Variants in BICC1 observed in about 807,000 individuals in gnomAD.
BICC1 encodes the protein BicC family RNA binding protein 1.
Under a neutral mutation model 111.0 loss-of-function variants are expected in BICC1, and 43 were observed. That is an observed-to-expected ratio of 0.39 (90% CI 0.30 to 0.50). BICC1 has a LOEUF of 0.50. Among genes scored for constraint, BICC1 ranks in the 20% least tolerant of loss-of-function variants. BICC1 has a pLI of 0.88. For synonymous variants in BICC1, 467 were observed against 434.4 expected (o/e 1.07, Z -0.93); for missense variants, 1,091 against 1,203.2 (o/e 0.91, Z 1.38).
intron 1 of BICC1, among the ~76,000 whole-genome samples, chr10:58,607,317 A>AAAATAGATAAATAAATAAATAAATAAAT (rs1845254757): frequency 7.4e-6 from 1 of 134,674 alleles, no homozygotes; most frequent in Admixed American, 7.7e-5. Flanking sequence ...ACTCTGTCTC[A>AAAATAGATAAATAAATAAATAAATAAAT]AAATAAATAA....
At chr10:58,512,711 GGT>G (rs1221726881), upstream of BICC1, among the ~76,000 whole-genome samples, 4 of 151,758 alleles carry the variant, frequency 2.6e-5, no homozygotes, top group Non-Finnish European at 5.9e-5. Context: ...GTGTGTACGT[GGT>G]GTGTGTGTGC....
chr10:58,775,489 AG>A (rs1156354127), intron 3 of BICC1, among the ~76,000 whole-genome samples: 1 of 152,230 alleles, frequency 6.6e-6, no homozygotes, highest in Non-Finnish European at 1.5e-5. Context: ...GTTAGCTCTT[AG>A]GTAACTTTTA....
intron 3 of BICC1, among the ~76,000 whole-genome samples, 190 bp downstream of exon 3, chr10:58,702,333 T>G (rs113242001): frequency 6.6e-6 from 1 of 152,350 alleles, no homozygotes; most frequent in East Asian, 1.9e-4. Context: ...AGAAAAATAT[T>G]AACTATTAAC....
chr10:58,652,398 T>C (rs1838478338), intron 2 of BICC1, among the ~76,000 whole-genome samples: 1 of 152,116 alleles, frequency 6.6e-6, no homozygotes, highest in Non-Finnish European at 1.5e-5. Flanking sequence ...ACACAGTCTT[T>C]TGCTCGTAAA....
At chr10:58,513,850 G>GC (rs1373989910) in intron 1 of BICC1, among the ~76,000 whole-genome samples, 1 of 152,170 alleles carries the variant, frequency 6.6e-6, no homozygotes, top group Non-Finnish European at 1.5e-5. Flanking sequence ...AGGAGCTCCC[G>GC]CCCCCACCCC....
intron 17 of BICC1, among the ~76,000 whole-genome samples, chr10:58,810,146 G>A (rs528373761): frequency 6.6e-6 from 1 of 152,314 alleles, no homozygotes; most frequent in Non-Finnish European, 1.5e-5. Context: ...GGCAGGAATA[G>A]GCATAGGAGC....
intron 3 of BICC1, among the ~76,000 whole-genome samples, chr10:58,762,576 T>C (rs1842346590): frequency 6.6e-6 from 1 of 152,160 alleles, no homozygotes. Flanking sequence ...GCATTCATCT[T>C]TATAATCTGT....
In BICC1 at chr10:58,828,900, T is replaced by A; in HGVS notation, c.*9T>A. 6.2e-7 allele frequency: 1 copy of A among 1,613,596 alleles called. No individual in the cohort carries two copies. The highest frequency in any genetic ancestry group is 8.5e-7 in the Non-Finnish European group (1 of 1,179,682). On this transcript the variant is annotated 3_prime_UTR_variant, in exon 21 of 21. Transcript: ENST00000373886. ...TCAGTGGCCGCTGGTAGCAGCACCC[T>A]CTTGGCACATGCCCGCTGACTAACT...
rs1054686398 is a variant in BICC1, at chr10:58,584,173, C to T, written c.191-36682C>T. ...CTGTGAGGTAGAATGTAGCATATTT[C>T]TTAATGATATCTCAACCAGATTTTA... On this transcript the variant is annotated intron_variant, in intron 1 of 20. Transcript: ENST00000373886. Among the ~76,000 whole-genome samples, 4 of 151,932 alleles carry T rather than the reference C, an allele frequency of 2.6e-5. No individual in the cohort carries two copies. In the East Asian group the frequency reaches 7.7e-4, roughly 29 times the overall value.
intron 8 of BICC1, among the ~76,000 whole-genome samples, chr10:58,790,833 C>A (rs60473653): frequency 0.019 from 2,874 of 152,274 alleles, 99 homozygotes; most frequent in African/African-American, 0.066. Context: ...ATGAAATAAA[C>A]TATCCCAGTG....
intron 1 of BICC1, among the ~76,000 whole-genome samples, chr10:58,576,985 G>C (rs568997963): frequency 1.3e-5 from 2 of 152,252 alleles, no homozygotes; most frequent in Admixed American, 6.5e-5. Flanking sequence ...TCAGAAGTGG[G>C]AGCAGCTGAG....
intron 3 of BICC1, among the ~76,000 whole-genome samples, chr10:58,767,619 A>T (rs927706574): frequency 2.0e-5 from 3 of 152,202 alleles, no homozygotes; most frequent in Non-Finnish European, 1.5e-5. Context: ...CAAGGAATTT[A>T]AAAATAATTG....
intron 1 of BICC1, among the ~76,000 whole-genome samples, chr10:58,560,850 T>G (rs1403366337): frequency 3.9e-5 from 6 of 152,098 alleles, no homozygotes; most frequent in Non-Finnish European, 4.4e-5. Context: ...TCATTTCCAT[T>G]TATTTGTACA....
At position 58,798,558 on chromosome 10, in the gene BICC1, C is replaced by T. The variant is rs1843433957; in HGVS notation, c.1526C>T (p.Thr509Ile). The part of the protein sequence containing the change: ...APPLANTSSA[T>I]GFSAIPHLMI... ...CCACTTGCTAATACTTCAAGTGCCACAGGTCAGTATCATTTAAGTATATTC... is the reference window on the plus strand; with the variant it reads ...CCACTTGCTAATACTTCAAGTGCCATAGGTCAGTATCATTTAAGTATATTC... Residue 509 changes from threonine to isoleucine, a missense_variant and splice_region_variant, in exon 11 of 21, where the codon ACA (threonine) becomes ATA (isoleucine). Thr to Ile is a moderately conservative substitution (Grantham distance 89, BLOSUM62 -1). Transcript: ENST00000373886. 3.7e-6 allele frequency: 6 copies of T among 1,603,788 alleles called. No homozygotes were observed. Among genetic ancestry groups the T allele is most frequent in the South Asian group, 1.1e-5 (1 of 89,232 alleles).
chr10:58,706,327 G>A (rs187990915), intron 3 of BICC1, among the ~76,000 whole-genome samples: 7 of 152,300 alleles, frequency 4.6e-5, no homozygotes, highest in African/African-American at 1.4e-4. Context: ...TAGAAGTCCT[G>A]CCAGACCTGC....
intron 17 of BICC1, among the ~76,000 whole-genome samples, chr10:58,812,144 G>C (rs1589163932): frequency 6.6e-6 from 1 of 152,248 alleles, no homozygotes; most frequent in East Asian, 1.9e-4. Flanking sequence ...GAATTAAAAT[G>C]GCCCTTAGGG....
At chr10:58,546,934 A>G (rs891651441) in intron 1 of BICC1, among the ~76,000 whole-genome samples, 13 of 152,312 alleles carry the variant, frequency 8.5e-5, no homozygotes, top group African/African-American at 2.6e-4. Context: ...TTAAATTGGT[A>G]CCTAGAGACC....
At chr10:58,605,252 T>C (rs1845172227) in intron 1 of BICC1, among the ~76,000 whole-genome samples, 1 of 152,242 alleles carries the variant, frequency 6.6e-6, no homozygotes, top group South Asian at 2.1e-4. Flanking sequence ...ATAAAAAGAC[T>C]TATGATGAAA....
chr10:58,565,596 G>A (rs779359845), intron 1 of BICC1, among the ~76,000 whole-genome samples: 38 of 152,080 alleles, frequency 2.5e-4, no homozygotes, highest in African/African-American at 6.0e-4. Context: ...AAATATAATG[G>A]AAAACCAAAA....
Sources: allele counts gnomAD v4.1 joint callset (sites outside exome capture counted in the v4.1 genomes callset), GRCh38; gene constraint gnomAD v4.1.1; transcripts MANE v1.5; gene names NCBI Gene and HGNC (gene_info 2026-07-23, HGNC 2026-07-21).